NT5E: variants seen among roughly 807,000 people sequenced by gnomAD.
NT5E encodes 5'-nucleotidase.
A neutral mutation model predicts 55.1 loss-of-function variants in NT5E; 53 were observed. The ratio of observed to expected loss-of-function variants is 0.96; its 90% confidence interval spans 0.77 to 1.21. The LOEUF (loss-of-function observed/expected upper bound fraction) is 1.21. NT5E is among the 50% of genes most tolerant of loss of function. The probability of loss-of-function intolerance (pLI) is 0.00; values close to 1 mark genes in which losing one functional copy is unlikely to be tolerated. For missense variants in NT5E, 683 were observed against 724.3 expected (o/e 0.94, Z 0.65); for synonymous variants, 270 against 278.4 (o/e 0.97, Z 0.30).
At chr6:85,485,571 G>A (rs1769636408) in intron 4 of NT5E, 139 bp downstream of exon 4, 1 of 895,184 alleles carries the variant, frequency 1.1e-6, no homozygotes, top group African/African-American at 1.7e-5. Flanking sequence ...CCTTGAGTTT[G>A]CCCTCTTCAT....
intron 1 of NT5E, among the ~76,000 whole-genome samples, chr6:85,459,330 C>A (rs750227657): frequency 6.6e-6 from 1 of 152,168 alleles, no homozygotes; most frequent in East Asian, 1.9e-4. Flanking sequence ...AATGAGCTAG[C>A]GTGTAAGTGA....
chr6:85,454,949 A>G lies in NT5E; in HGVS notation c.339+4471A>G, dbSNP rs1036875660. Among the ~76,000 whole-genome samples the G allele has an allele frequency of 2.0e-5, 3 of 152,196 alleles. No individual in the cohort carries two copies. In the South Asian group the frequency reaches 6.2e-4, roughly 32 times the overall value. ...ACAGTGAAATGTTTTGATTCAGTGA[A>G]GGGACAGGAGGATGGGGCAAAGGTG... On this transcript the variant is annotated intron_variant, in intron 1 of 8. Transcript: ENST00000257770.
chr6:85,476,983 C>T (rs534752101), intron 3 of NT5E, among the ~76,000 whole-genome samples: 3 of 152,164 alleles, frequency 2.0e-5, no homozygotes, highest in East Asian at 1.9e-4. Flanking sequence ...CTTTGGGCCA[C>T]GGGTCCAGGC....
intron 4 of NT5E, among the ~76,000 whole-genome samples, chr6:85,486,025 G>A (rs902218255): frequency 3.3e-5 from 5 of 152,160 alleles, no homozygotes; most frequent in Admixed American, 6.5e-5. Context: ...CTGGTCCTGC[G>A]GTGCCAACAA....
intron 1 of NT5E, among the ~76,000 whole-genome samples, chr6:85,461,102 A>T (rs1169486313): frequency 6.6e-6 from 1 of 152,246 alleles, no homozygotes; most frequent in Non-Finnish European, 1.5e-5. Context: ...CTTAAAATGT[A>T]TCTAACACAG....
At chr6:85,473,619 G>A (rs954076505) in intron 3 of NT5E, among the ~76,000 whole-genome samples, 18 of 152,088 alleles carry the variant, frequency 1.2e-4, no homozygotes, top group African/African-American at 3.6e-4. Context: ...GTTCACATAC[G>A]AACATGCAAA....
At chr6:85,479,366 G>A (rs1582381858) in intron 3 of NT5E, among the ~76,000 whole-genome samples, 1 of 152,170 alleles carries the variant, frequency 6.6e-6, no homozygotes, top group Non-Finnish European at 1.5e-5. Flanking sequence ...TTTATGGCTA[G>A]GAATTCATGA....
Position 85,450,554 on chromosome 6 carries a change from A to G in NT5E, c.339+76A>G. On this transcript the variant is annotated intron_variant, in intron 1 of 8. Coordinates refer to ENST00000257770, the MANE Select transcript of NT5E (RefSeq NM_002526.4). This position sits in a 1 kb window ranked among gnomAD's most constrained non-coding sequence, Gnocchi z 4.0. ...CCGGGCTGGAAAAGCAGCGGATGGC[A>G]GAGTGTGGCAAGCCTAGGTCCAGGG... 1 of 1,374,628 alleles carries G rather than the reference A, an allele frequency of 7.3e-7. No homozygotes were observed. Among genetic ancestry groups the G allele is most frequent in the East Asian group, 2.5e-5 (1 of 40,296 alleles). The allele number at this position is 1,374,628 out of a possible 1,614,324, so 85.2% of individuals were successfully genotyped here.
rs867163485 is a variant in NT5E at position 85,467,244 on chromosome 6, G to A, written c.524G>A (p.Gly175Glu). ...GGTGATGAAGTTGTGGGAATCGTTG[G>A]ATACACTTCCAAAGAAACCCCTTTT... ...PVGDEVVGIV[G>E]YTSKETPFLS... The change falls in exon 2 of 9, where the codon GGA becomes GAA. Residue 175 changes from glycine (G) to glutamate (E), a missense_variant. Transcript: ENST00000257770. The A allele has an allele frequency of 6.2e-7, 1 of 1,614,092 alleles. No homozygotes were observed. Among genetic ancestry groups the A allele is most frequent in the Non-Finnish European group, 8.5e-7 (1 of 1,180,014 alleles).
intron 1 of NT5E, among the ~76,000 whole-genome samples, chr6:85,455,893 A>T (rs1276529959): frequency 6.6e-6 from 1 of 152,182 alleles, no homozygotes; most frequent in African/African-American, 2.4e-5. Context: ...GTGTGACAGT[A>T]GAAAAAGCAG....
chr6:85,450,433 C>T lies in NT5E; in HGVS notation c.294C>T (p.Gly98=), dbSNP rs1437665599. The part of the protein sequence containing the change: ...QGTIWFTVYK[G]AEVAHFMNAL... ...CTATCTGGTTCACCGTGTACAAGGG[C>T]GCCGAGGTGGCGCACTTCATGAACG... Residue 98 remains glycine (G), a synonymous_variant, in exon 1 of 9, where the codon GGC becomes GGT. Coordinates refer to ENST00000257770, the MANE Select transcript of NT5E (RefSeq NM_002526.4). The surrounding 1 kb of genome is among the most constrained non-coding windows in gnomAD (Gnocchi z 4.0). 6.2e-7 allele frequency: 1 copy of T among 1,602,954 alleles called. No homozygotes were observed.
At position 85,494,208 on chromosome 6, in the gene NT5E, G is replaced by C. The variant is rs1769845374; in HGVS notation, c.*204G>C. ...GTGAGTTAGAAAAAAAATTAACATA[G>C]GGCCCTATAAGGAGAAAGCCAACTA... On this transcript the variant is annotated 3_prime_UTR_variant, in exon 9 of 9. Coordinates refer to ENST00000257770, the MANE Select transcript of NT5E (RefSeq NM_002526.4). 1.7e-6 allele frequency: 1 copy of C among 596,490 alleles called. No individual in the cohort carries two copies. Among genetic ancestry groups the C allele is most frequent in the South Asian group, 2.1e-5 (1 of 47,236 alleles). 36.9% of individuals were successfully genotyped at this position (596,490 alleles called of 1,614,324 possible).
chr6:85,472,808 A>C (rs111716815), intron 3 of NT5E, among the ~76,000 whole-genome samples: 3,441 of 152,288 alleles, frequency 0.023, 144 homozygotes, highest in African/African-American at 0.078. Flanking sequence ...TCCTTCACAG[A>C]TATTTTACTT....
intron 1 of NT5E, 76 bp from the exon 2 acceptor site, chr6:85,466,984 T>G: frequency 2.2e-6 from 3 of 1,349,564 alleles, no homozygotes; most frequent in Non-Finnish European, 3.1e-6. Flanking sequence ...TAGAGCTTAG[T>G]CAGTTTTGAG....
At chr6:85,482,181 A>G (rs1209894606) in intron 3 of NT5E, among the ~76,000 whole-genome samples, 1 of 152,170 alleles carries the variant, frequency 6.6e-6, no homozygotes, top group East Asian at 1.9e-4. Flanking sequence ...GCCTTACAAC[A>G]TTCTATACTT....
In NT5E at chr6:85,451,576, G is replaced by T. The variant is rs544319616; in HGVS notation, c.339+1098G>T. ...AGCCTTGAGTAAAGGGATTCAGCAA[G>T]ACTGTGGAGAAACTTGGGAGAAGAA... is the stretch of plus-strand genomic sequence containing the variant. On this transcript the variant is annotated intron_variant, in intron 1 of 8. Coordinates refer to ENST00000257770, the MANE Select transcript of NT5E (RefSeq NM_002526.4). Among the ~76,000 whole-genome samples, 22 of 152,260 alleles carry T rather than the reference G, an allele frequency of 1.4e-4. No individual in the cohort carries two copies. The East Asian group carries it at 4.1e-3, about 28-fold the overall frequency.
intron 1 of NT5E, among the ~76,000 whole-genome samples, chr6:85,459,875 T>G (rs1769059804): frequency 6.6e-6 from 1 of 152,198 alleles, no homozygotes; most frequent in South Asian, 2.1e-4. Context: ...GAATCAACGA[T>G]CAAAGAATGA....
chr6:85,472,867 A>G (rs1769342350), intron 3 of NT5E, among the ~76,000 whole-genome samples: 1 of 152,194 alleles, frequency 6.6e-6, no homozygotes, highest in African/African-American at 2.4e-5. Flanking sequence ...TTAAACTGAC[A>G]GGTTGTGAAA....
chr6:85,475,475 G>A (rs773839542), intron 3 of NT5E, among the ~76,000 whole-genome samples: 3 of 152,178 alleles, frequency 2.0e-5, no homozygotes, highest in Non-Finnish European at 2.9e-5. Flanking sequence ...ACATCAGAGT[G>A]AAGAGAAGGG....
Sources: gnomAD v4.1 joint callset for allele counts (sites outside exome capture counted in the v4.1 genomes callset) on GRCh38, gnomAD v4.1.1 for gene constraint, Gnocchi (gnomAD v3.1) non-coding constraint, MANE v1.5 for transcripts, NCBI Gene and HGNC (gene_info 2026-07-23, HGNC 2026-07-21) for gene names.